The following ARHGAP28 variants were observed in gnomAD, a reference collection of about 807,000 sequenced individuals.
ARHGAP28 encodes Rho GTPase activating protein 28.
A neutral mutation model predicts 90.7 loss-of-function variants in ARHGAP28; 56 were observed. The observed-to-expected ratio is 0.62, with a 90% CI of 0.50 to 0.77. The LOEUF (loss-of-function observed/expected upper bound fraction) is 0.77. ARHGAP28 is among the 30% of genes least tolerant of loss of function. The pLI, the probability that ARHGAP28 is intolerant of heterozygous loss-of-function variation, is 0.00. For synonymous variants in ARHGAP28, 308 were observed against 323.3 expected, an observed-to-expected ratio of 0.95 and a Z score of 0.51; for missense variants, 869 against 900.9, an observed-to-expected ratio of 0.96 and a Z score of 0.45.
At chr18:6,902,697 G>A (rs945748900) in intron 16 of ARHGAP28, among the ~76,000 whole-genome samples, 2 of 152,178 alleles carry the variant, frequency 1.3e-5, no homozygotes, top group Admixed American at 6.5e-5. Context: ...AAGAAATCTT[G>A]TGCACCACTG....
intron 5 of ARHGAP28, among the ~76,000 whole-genome samples, chr18:6,863,141 A>T (rs909354937): frequency 6.6e-6 from 1 of 152,074 alleles, no homozygotes; most frequent in African/African-American, 2.4e-5. Context: ...TAGAGGACTG[A>T]CCACAATCAC....
chr18:6,868,362 C>T (rs2057054894), intron 6 of ARHGAP28, 128 bp downstream of exon 6: 5 of 762,178 alleles, frequency 6.6e-6, no homozygotes, highest in Non-Finnish European at 1.1e-5. Flanking sequence ...GTGATTCTGT[C>T]ACTTCCATCG....
chr18:6,801,573 A>G (rs2056482151), intron 1 of ARHGAP28, among the ~76,000 whole-genome samples: 1 of 152,132 alleles, frequency 6.6e-6, no homozygotes, highest in African/African-American at 2.4e-5. Flanking sequence ...CATTTGAATC[A>G]TTGAATATAT....
At chr18:6,788,776 T>C (rs530558484) in intron 1 of ARHGAP28, 1 of 152,242 alleles carries the variant, frequency 6.6e-6, no homozygotes, top group East Asian at 1.9e-4. Context: ...GGCATTTCTT[T>C]ATAGCAATGC....
intron 3 of ARHGAP28, among the ~76,000 whole-genome samples, chr18:6,840,760 A>G (rs190779485): frequency 1.3e-5 from 2 of 152,284 alleles, no homozygotes; most frequent in East Asian, 3.9e-4. Flanking sequence ...AGAAAGAAAG[A>G]CCATGTATTC....
In ARHGAP28 at chr18:6,890,000, ACT is replaced by A. The variant is rs1279904569; in HGVS notation, c.1652_1653del (p.Ser551Ter). On this transcript the variant is annotated frameshift_variant, in exon 13 of 18. Transcript: ENST00000383472. LOFTEE classifies it high-confidence loss of function. ...AACCTTTTCTTCAGTAGAAGCAAAC[ACT>A]CTGATTATGAAGAATTACTGTTAGC... The A allele has an allele frequency of 6.2e-7, 1 of 1,614,152 alleles. No homozygotes were observed. The highest frequency in any genetic ancestry group is 8.5e-7 in the Non-Finnish European group (1 of 1,180,012).
At chr18:6,872,566 GT>G (rs560523148) in intron 7 of ARHGAP28, among the ~76,000 whole-genome samples, 1 of 151,650 alleles carries the variant, frequency 6.6e-6, no homozygotes, top group African/African-American at 2.4e-5. Context: ...AATCTATGGG[GT>G]TTTTTTTGTT....
chr18:6,854,985 C>G (rs1393696490), intron 4 of ARHGAP28, among the ~76,000 whole-genome samples: 5 of 152,208 alleles, frequency 3.3e-5, no homozygotes, highest in African/African-American at 1.2e-4. Context: ...GTCCCCTGCC[C>G]CCTTGGCCCC....
intron 4 of ARHGAP28, among the ~76,000 whole-genome samples, chr18:6,851,675 A>G (rs1295988816): frequency 2.7e-4 from 41 of 152,174 alleles, no homozygotes; most frequent in Admixed American, 2.7e-3. Context: ...TAAATGGATA[A>G]AAAAAATTGT....
intron 1 of ARHGAP28, among the ~76,000 whole-genome samples, chr18:6,753,789 T>C (rs1044821396): frequency 6.6e-6 from 1 of 152,186 alleles, no homozygotes; most frequent in African/African-American, 2.4e-5. Context: ...TTCAAACACT[T>C]TACCCCTCGC....
intron 1 of ARHGAP28, among the ~76,000 whole-genome samples, chr18:6,744,914 AT>A (rs2056009754): frequency 6.6e-6 from 1 of 151,828 alleles, no homozygotes; most frequent in Admixed American, 6.6e-5. Context: ...TGAAAGATAA[AT>A]TTTATTAATA....
chr18:6,737,269 A>G (rs1600139719), intron 1 of ARHGAP28, among the ~76,000 whole-genome samples: 1 of 152,324 alleles, frequency 6.6e-6, no homozygotes, highest in East Asian at 1.9e-4. Flanking sequence ...CCTTTTCTTA[A>G]TGACTGTTAT....
At chr18:6,884,482 C>T (rs952654365) in intron 11 of ARHGAP28, among the ~76,000 whole-genome samples, 3 of 152,188 alleles carry the variant, frequency 2.0e-5, no homozygotes, top group Non-Finnish European at 4.4e-5. Context: ...CTTTGTATGT[C>T]AAGTAAATTT....
At chr18:6,763,922 T>C (rs1191993460) in intron 1 of ARHGAP28, among the ~76,000 whole-genome samples, 1 of 152,162 alleles carries the variant, frequency 6.6e-6, no homozygotes, top group African/African-American at 2.4e-5. Context: ...AAAAAGAAAA[T>C]ATTAAAGCAG....
In ARHGAP28 at chr18:6,795,583, G is replaced by A. The variant is rs765546652; in HGVS notation, c.123-29179G>A. 9.9e-5 allele frequency among the ~76,000 whole-genome samples: 15 copies of A among 152,222 alleles called. 1 individual carries two copies. The highest frequency in any genetic ancestry group is 2.4e-4 in the African/African-American group (10 of 41,452). On this transcript the variant is annotated intron_variant, in intron 1 of 17. Transcript: ENST00000383472. Reference sequence around the variant, plus strand: ...TACTAACTCTACACTGGCAGCTGGCGTGTAGCCATGGACTATGCATAAGCA... The same window carrying A: ...TACTAACTCTACACTGGCAGCTGGCATGTAGCCATGGACTATGCATAAGCA...
At chr18:6,828,846 A>G (rs2056694881) in intron 2 of ARHGAP28, among the ~76,000 whole-genome samples, 2 of 152,216 alleles carry the variant, frequency 1.3e-5, no homozygotes. Context: ...CAACAAGCAA[A>G]TATGTAAGAC....
chr18:6,876,989 G>A (rs2057136380), intron 10 of ARHGAP28, among the ~76,000 whole-genome samples: 1 of 152,188 alleles, frequency 6.6e-6, no homozygotes, highest in Non-Finnish European at 1.5e-5. Context: ...ATCACTCCCT[G>A]TCTTGCAGAT....
chr18:6,811,632 T>G (rs1331196225), intron 1 of ARHGAP28, among the ~76,000 whole-genome samples: 2 of 152,192 alleles, frequency 1.3e-5, no homozygotes, highest in African/African-American at 4.8e-5. Context: ...CTTACCTTCC[T>G]TCTAGAGTTT....
chr18:6,896,853 T>C, intron 16 of ARHGAP28: 1 of 462,056 alleles, frequency 2.2e-6, no homozygotes, highest in South Asian at 3.8e-5. Flanking sequence ...GGATTCTTAA[T>C]AGGTATTGTC....
Sources: gnomAD v4.1 joint callset for allele counts (sites outside exome capture counted in the v4.1 genomes callset) on GRCh38, gnomAD v4.1.1 for gene constraint, MANE v1.5 for transcripts, NCBI Gene and HGNC (gene_info 2026-07-23, HGNC 2026-07-21) for gene names.